The following GRID1 variants were observed in gnomAD, a reference collection of about 807,000 sequenced individuals.
GRID1 encodes the protein glutamate ionotropic receptor delta type subunit 1.
A neutral mutation model predicts 98.0 loss-of-function variants in GRID1; 28 were observed. The observed-to-expected ratio is 0.29, with a 90% CI of 0.21 to 0.39. The LOEUF is 0.39. Among genes scored for constraint, GRID1 ranks in the 10% least tolerant of loss-of-function variants. The pLI is 1.00. For synonymous variants in GRID1, 553 were observed against 538.5 expected, an observed-to-expected ratio of 1.03 and a Z score of -0.37; for missense variants, 1,111 against 1,340.5, an observed-to-expected ratio of 0.83 and a Z score of 2.67.
chr10:86,193,116 C>G (rs978131096), intron 3 of GRID1, among the ~76,000 whole-genome samples: 4 of 152,100 alleles, frequency 2.6e-5, no homozygotes, highest in African/African-American at 9.6e-5. Flanking sequence ...CCTCCACTCT[C>G]TCCTCATTCC....
At chr10:85,977,143 T>A (rs1015062560) in intron 4 of GRID1, among the ~76,000 whole-genome samples, 2 of 152,220 alleles carry the variant, frequency 1.3e-5, no homozygotes, top group Non-Finnish European at 2.9e-5. Flanking sequence ...CTGCTATAAA[T>A]GTGATTAGTG....
In GRID1 at chr10:86,231,956, A is replaced by T. The variant is rs147176757; in HGVS notation, c.236-25308T>A. Among the ~76,000 whole-genome samples, 4 of 152,276 alleles carry T rather than the reference A, an allele frequency of 2.6e-5. No individual in the cohort carries two copies. In the East Asian group the frequency reaches 7.7e-4, roughly 29 times the overall value. ...TGCTCATTGGGTGAGGGATGGGGTG[A>T]GGGTTGCTCCTATACTGCAAACCCT... On this transcript the variant is annotated intron_variant, in intron 2 of 15. Coordinates refer to ENST00000327946, the MANE Select transcript of GRID1 (RefSeq NM_017551.3).
In GRID1 at chr10:85,651,590, T is replaced by C. The variant is rs11201718; in HGVS notation, c.1998-4193A>G. Among the ~76,000 whole-genome samples the C allele has an allele frequency of 8.6e-3, 1,315 of 152,262 alleles. 11 individuals carry two copies. The highest frequency in any genetic ancestry group is 0.029 in the African/African-American group (1,191 of 41,556). The stretch of plus-strand genomic sequence containing the variant: ...CAGAAGTCTGAACCCAGGATGAGCA[T>C]AGAGACACCAAAACTCCTCTGGCAG... On this transcript the variant is annotated intron_variant, in intron 12 of 15. Coordinates refer to ENST00000327946, the MANE Select transcript of GRID1 (RefSeq NM_017551.3).
At chr10:85,803,941 A>T (rs2132755624) in intron 8 of GRID1, among the ~76,000 whole-genome samples, 1 of 152,088 alleles carries the variant, frequency 6.6e-6, no homozygotes, top group South Asian at 2.1e-4. Context: ...ATATTTTTTT[A>T]AAAGAGAAAG....
intron 3 of GRID1, among the ~76,000 whole-genome samples, chr10:86,201,058 T>A (rs895599207): frequency 6.6e-6 from 1 of 152,214 alleles, no homozygotes; most frequent in African/African-American, 2.4e-5. Context: ...CCAGCAATTC[T>A]GCTCCTCAGA....
At position 85,772,804 on chromosome 10, in the gene GRID1, C is replaced by T. The variant is rs182442645; in HGVS notation, c.1234-43190G>A. On this transcript the variant is annotated intron_variant, in intron 8 of 15. Coordinates refer to ENST00000327946, the MANE Select transcript of GRID1 (RefSeq NM_017551.3). ...GTTGAATCTCTGAATAGACCAATAGCAGGCTCTGAAATTGGGGCAATAATC... is the reference window on the plus strand; with the variant it reads ...GTTGAATCTCTGAATAGACCAATAGTAGGCTCTGAAATTGGGGCAATAATC... Among the ~76,000 whole-genome samples, 5 of 152,288 alleles carry T rather than the reference C, an allele frequency of 3.3e-5. No individual in the cohort carries two copies. In the East Asian group the frequency reaches 5.8e-4, roughly 18 times the overall value.
At chr10:86,309,066 A>G (rs186396947) in intron 2 of GRID1, among the ~76,000 whole-genome samples, 9 of 152,340 alleles carry the variant, frequency 5.9e-5, no homozygotes, top group African/African-American at 2.2e-4. Context: ...CCTATACTCT[A>G]TGTCAGTAGG....
At chr10:86,144,217 C>T (rs1290509963) in intron 3 of GRID1, among the ~76,000 whole-genome samples, 1 of 152,082 alleles carries the variant, frequency 6.6e-6, no homozygotes, top group Non-Finnish European at 1.5e-5. Flanking sequence ...AAAATAAATG[C>T]TGGATGGGAG....
chr10:86,236,769 A>T (rs1482975236), intron 2 of GRID1, among the ~76,000 whole-genome samples: 1 of 152,196 alleles, frequency 6.6e-6, no homozygotes, highest in Non-Finnish European at 1.5e-5. Context: ...AGGGGTCAGG[A>T]GGAGCAGAAG....
At chr10:85,975,337 T>C (rs1842458915) in intron 4 of GRID1, among the ~76,000 whole-genome samples, 1 of 152,218 alleles carries the variant, frequency 6.6e-6, no homozygotes, top group Admixed American at 6.5e-5. Flanking sequence ...GCGCAGCCTT[T>C]CCTGGCTGAC....
intron 4 of GRID1, among the ~76,000 whole-genome samples, chr10:86,038,416 G>A (rs1217162571): frequency 6.6e-6 from 1 of 152,190 alleles, no homozygotes. Context: ...GTCTTTTCTT[G>A]GAGGTACAGC....
chr10:85,756,436 C>A (rs1189824953), intron 8 of GRID1, among the ~76,000 whole-genome samples: 1 of 152,072 alleles, frequency 6.6e-6, no homozygotes, highest in Non-Finnish European at 1.5e-5. Context: ...TACTTTGGGA[C>A]CATTATTAAG....
intron 4 of GRID1, among the ~76,000 whole-genome samples, chr10:85,953,969 G>A (rs1033713138): frequency 6.6e-6 from 1 of 152,144 alleles, no homozygotes; most frequent in African/African-American, 2.4e-5. Context: ...AGCAGGAAAG[G>A]AAATTAATTT....
chr10:86,126,407 A>T (rs1844754294), intron 4 of GRID1, among the ~76,000 whole-genome samples: 1 of 152,212 alleles, frequency 6.6e-6, no homozygotes, highest in African/African-American at 2.4e-5. Context: ...GCGAGCTGAG[A>T]TCGTGCCTCT....
intron 8 of GRID1, among the ~76,000 whole-genome samples, chr10:85,774,620 A>T (rs565818405): frequency 1.4e-4 from 22 of 152,324 alleles, no homozygotes; most frequent in Middle Eastern, 3.4e-3. Flanking sequence ...AACTCAAACA[A>T]ATTTACAAGA....
At chr10:86,362,765 G>A (rs986179007) in intron 2 of GRID1, among the ~76,000 whole-genome samples, 4 of 152,204 alleles carry the variant, frequency 2.6e-5, no homozygotes, top group African/African-American at 9.7e-5. Flanking sequence ...TGTCCTTGCA[G>A]GCACCGGGGA....
intron 6 of GRID1, among the ~76,000 whole-genome samples, chr10:85,858,403 C>T (rs73340512): frequency 0.015 from 2,266 of 152,280 alleles, 64 homozygotes; most frequent in African/African-American, 0.051. Context: ...AGCTCACCCC[C>T]TCACTGCACA....
At chr10:85,926,165 T>A (rs908583540) in intron 4 of GRID1, among the ~76,000 whole-genome samples, 1 of 152,080 alleles carries the variant, frequency 6.6e-6, no homozygotes, top group African/African-American at 2.4e-5. Context: ...TCTGGATTTG[T>A]GACACGGGAA....
At chr10:86,255,250 C>T (rs1846899652) in intron 2 of GRID1, among the ~76,000 whole-genome samples, 2 of 152,228 alleles carry the variant, frequency 1.3e-5, no homozygotes, top group Admixed American at 1.3e-4. Context: ...TGTATCTGTA[C>T]TTTAAAATTA....
Sources: gnomAD v4.1 joint callset for allele counts (sites outside exome capture counted in the v4.1 genomes callset) on GRCh38, gnomAD v4.1.1 for gene constraint, MANE v1.5 for transcripts, NCBI Gene and HGNC (gene_info 2026-07-23, HGNC 2026-07-21) for gene names.